Variants in TRPC7 observed in about 807,000 individuals in gnomAD.
TRPC7 encodes transient receptor potential cation channel subfamily C member 7, also known as short transient receptor potential channel 7.
In TRPC7, 42 loss-of-function variants were observed where a neutral mutation model predicts 90.1. The ratio of observed to expected loss-of-function variants is 0.47; its 90% CI spans 0.36 to 0.60. The LOEUF is 0.60. Among genes scored for constraint, TRPC7 ranks in the 20% least tolerant of loss-of-function variants. The probability of loss-of-function intolerance (pLI) is 0.00; values close to 1 mark genes in which losing one functional copy is unlikely to be tolerated. For synonymous variants in TRPC7, 451 were observed against 436.3 expected, an observed-to-expected ratio of 1.03 and a Z score of -0.42; for missense variants, 955 against 1,112.3, an observed-to-expected ratio of 0.86 and a Z score of 2.01.
At chr5:136,227,011 C>A (rs1755651247) in intron 8 of TRPC7, among the ~76,000 whole-genome samples, 1 of 152,170 alleles carries the variant, frequency 6.6e-6, no homozygotes. Context: ...CAGTATATTT[C>A]TTATTGGTCA....
intron 3 of TRPC7, among the ~76,000 whole-genome samples, chr5:136,290,589 G>GA (rs1176754264): frequency 1.3e-5 from 2 of 152,130 alleles, no homozygotes; most frequent in Non-Finnish European, 2.9e-5. Context: ...GAAGTTTAGA[G>GA]AAAAAAGAAT....
chr5:136,300,445 G>A (rs534358490), intron 3 of TRPC7, among the ~76,000 whole-genome samples: 23 of 152,210 alleles, frequency 1.5e-4, no homozygotes, highest in African/African-American at 5.1e-4. Flanking sequence ...GACTGTACAG[G>A]GCCACACTGG....
chr5:136,356,727 C>A lies in TRPC7; in HGVS notation c.661G>T (p.Ala221Ser). Reference protein sequence around the residue: ...SFSHSRSRMNAYKGLASAAYL... With the variant: ...SFSHSRSRMNSYKGLASAAYL... ...GCAGCACTCGCCAGTCCTTTGTAGG[C>A]GTTCATGCGCGAGCGCGAGTGGCTG... The change falls in exon 2 of 12, where the codon GCC (alanine) becomes TCC (serine). Residue 221 changes from alanine (A) to serine (S), a missense_variant. Coordinates refer to ENST00000513104, the MANE Select transcript of TRPC7 (RefSeq NM_020389.3). 2 of 1,612,082 alleles carry A rather than the reference C, an allele frequency of 1.2e-6. No individual in the cohort carries two copies. Among genetic ancestry groups the A allele is most frequent in the Non-Finnish European group, 1.7e-6 (2 of 1,178,772 alleles).
At position 136,231,512 on chromosome 5, in the gene TRPC7, A is replaced by G; in HGVS notation, c.1882T>C (p.Phe628Leu). 1 of 1,608,690 alleles carries G rather than the reference A, an allele frequency of 6.2e-7. No homozygotes were observed. The highest frequency in any genetic ancestry group is 8.5e-7 in the Non-Finnish European group (1 of 1,176,490). ...ESFKTLFWSI[F>L]GLSEVISVVL... Reference sequence around the variant, plus strand: ...ACTGAGATTACTTCAGATAAGCCGAATATGGACCAAAACAAAGTTTTAAAA... The same window carrying G: ...ACTGAGATTACTTCAGATAAGCCGAGTATGGACCAAAACAAAGTTTTAAAA... The change falls in exon 8 of 12, where the codon TTC (phenylalanine) becomes CTC (leucine). Residue 628 changes from phenylalanine to leucine, a missense_variant. Around this residue, in one of 4 missense-constraint regions of TRPC7, gnomAD observed 296 missense variants for 422.7 expected, o/e 0.70. Coordinates refer to ENST00000513104, the MANE Select transcript of TRPC7 (RefSeq NM_020389.3).
chr5:136,221,344 C>T (rs1327545674), intron 10 of TRPC7, among the ~76,000 whole-genome samples: 1 of 152,188 alleles, frequency 6.6e-6, no homozygotes, highest in Non-Finnish European at 1.5e-5. Context: ...AGATGAGATG[C>T]ACAATGGATA....
intron 3 of TRPC7, among the ~76,000 whole-genome samples, chr5:136,278,910 C>T (rs1019879902): frequency 2.6e-5 from 4 of 152,070 alleles, no homozygotes; most frequent in African/African-American, 7.2e-5. Flanking sequence ...TCCCCTGACT[C>T]GTCTTCCACT....
chr5:136,242,732 C>G (rs1240699542), intron 7 of TRPC7, among the ~76,000 whole-genome samples: 1 of 152,144 alleles, frequency 6.6e-6, no homozygotes, highest in Non-Finnish European at 1.5e-5. Context: ...ACCATCTGTA[C>G]CAGAATCCTC....
In TRPC7 at chr5:136,294,635, A is replaced by T. The variant is rs191820974; in HGVS notation, c.964-19798T>A. Among the ~76,000 whole-genome samples, 515 of 152,246 alleles carry T rather than the reference A, an allele frequency of 3.4e-3. 1 individual carries two copies. The highest frequency in any genetic ancestry group is 0.011 in the African/African-American group (474 of 41,524). The stretch of plus-strand genomic sequence containing the variant: ...GAATGGCAATCATTAAAAAGTCAGG[A>T]AACAACAGGTGCTAGAGAGGATGTG... On this transcript the variant is annotated intron_variant, in intron 3 of 11. Coordinates refer to ENST00000513104, the MANE Select transcript of TRPC7 (RefSeq NM_020389.3).
At chr5:136,234,386 G>A (rs977339813) in intron 7 of TRPC7, among the ~76,000 whole-genome samples, 2 of 151,676 alleles carry the variant, frequency 1.3e-5, no homozygotes, top group Non-Finnish European at 2.9e-5. Flanking sequence ...CTTGGCTCAC[G>A]GCAACCTCCG....
At chr5:136,258,612 A>G (rs568915755) in intron 5 of TRPC7, among the ~76,000 whole-genome samples, 78 of 152,342 alleles carry the variant, frequency 5.1e-4, no homozygotes, top group Middle Eastern at 3.4e-3. Flanking sequence ...AGTGCCAGGA[A>G]GCCTCAAGGG....
At chr5:136,306,408 T>C (rs1312671057) in intron 3 of TRPC7, among the ~76,000 whole-genome samples, 4 of 152,166 alleles carry the variant, frequency 2.6e-5, no homozygotes, top group African/African-American at 9.7e-5. Flanking sequence ...TTCAGCTTAA[T>C]CTCTCCCACT....
In TRPC7 at chr5:136,315,799, T is replaced by C; in HGVS notation, c.781-20A>G. 2.5e-6 allele frequency: 4 copies of C among 1,608,366 alleles called. No individual in the cohort carries two copies. The highest frequency in any genetic ancestry group is 3.4e-6 in the Non-Finnish European group (4 of 1,175,900). On this transcript the variant is annotated intron_variant, in intron 2 of 11. Coordinates refer to ENST00000513104, the MANE Select transcript of TRPC7 (RefSeq NM_020389.3). ...ATCGTTCTAACAGAATAGAGAGAAA[T>C]CAGCGGTATGTCACATGGAGGCCCG...
chr5:136,234,280 G>A (rs988109078), intron 7 of TRPC7, among the ~76,000 whole-genome samples: 6 of 152,126 alleles, frequency 3.9e-5, no homozygotes, highest in Non-Finnish European at 7.4e-5. Context: ...TAGGCAGGAC[G>A]GGGTCTTAGA....
intron 3 of TRPC7, among the ~76,000 whole-genome samples, chr5:136,306,936 T>C (rs1018063475): frequency 5.0e-4 from 76 of 152,326 alleles, no homozygotes; most frequent in African/African-American, 1.6e-3. Context: ...TCTTTTCGGA[T>C]TCAGCCTGCC....
At chr5:136,356,003 C>T (rs949304821) in intron 2 of TRPC7, among the ~76,000 whole-genome samples, 14 of 152,180 alleles carry the variant, frequency 9.2e-5, no homozygotes, top group South Asian at 6.2e-4. Context: ...TTAGAGCTTT[C>T]GCCTGAGCTC....
At chr5:136,222,987 T>C (rs777075769) in intron 10 of TRPC7, among the ~76,000 whole-genome samples, 5 of 152,244 alleles carry the variant, frequency 3.3e-5, no homozygotes, top group African/African-American at 4.8e-5. Flanking sequence ...TGTGAGCAGA[T>C]GATGACTCAG....
chr5:136,303,797 C>T (rs1249748548), intron 3 of TRPC7: 1 of 151,708 alleles, frequency 6.6e-6, no homozygotes, highest in African/African-American at 2.4e-5. Flanking sequence ...ACTGCCAGAT[C>T]GCCTCGGAAG....
At chr5:136,325,620 G>A (rs993164325) in intron 2 of TRPC7, among the ~76,000 whole-genome samples, 1 of 152,198 alleles carries the variant, frequency 6.6e-6, no homozygotes, top group African/African-American at 2.4e-5. Context: ...TATTGAGGCA[G>A]GAGAACAGGG....
intron 5 of TRPC7, among the ~76,000 whole-genome samples, chr5:136,255,658 C>T (rs1756665667): frequency 6.6e-6 from 1 of 152,114 alleles, no homozygotes; most frequent in African/African-American, 2.4e-5. Context: ...TGAGATATGC[C>T]TGTATTAAAA....
Sources: allele counts gnomAD v4.1 joint callset (sites outside exome capture counted in the v4.1 genomes callset), GRCh38; gene constraint gnomAD v4.1.1; regional missense constraint gnomAD v4.1.1; transcripts MANE v1.5; gene names NCBI Gene and HGNC (gene_info 2026-07-23, HGNC 2026-07-21).